Variants in GSG1L observed in about 807,000 individuals in gnomAD.
The protein encoded by GSG1L is GSG1 like, also known as germ cell-specific gene 1-like protein.
Under a neutral mutation model 42.1 loss-of-function variants are expected in GSG1L, and 24 were observed. The observed-to-expected ratio is 0.57, with a 90% CI of 0.41 to 0.80. The LOEUF (loss-of-function observed/expected upper bound fraction) is 0.80, where lower values mean the gene tolerates loss of function less well. Among genes scored for constraint, GSG1L ranks in the 30% least tolerant of loss-of-function variants. GSG1L has a pLI of 0.00. For synonymous variants in GSG1L, 215 were observed against 203.5 expected (o/e 1.06, Z -0.48); for missense variants, 445 against 472.2 (o/e 0.94, Z 0.53).
intron 2 of GSG1L, among the ~76,000 whole-genome samples, chr16:27,908,004 G>A (rs1436457979): frequency 6.6e-6 from 1 of 151,904 alleles, no homozygotes; most frequent in Non-Finnish European, 1.5e-5. Flanking sequence ...TGCAAGCATG[G>A]TCCCAAATTA....
chr16:28,027,236 C>T (rs1346648048), intron 1 of GSG1L, among the ~76,000 whole-genome samples: 1 of 152,188 alleles, frequency 6.6e-6, no homozygotes, highest in Non-Finnish European at 1.5e-5. Context: ...ACCAATGAAG[C>T]AGGCACATGA....
chr16:27,842,854 C>A (rs1416337164), intron 4 of GSG1L, among the ~76,000 whole-genome samples: 1 of 152,104 alleles, frequency 6.6e-6, no homozygotes, highest in Non-Finnish European at 1.5e-5. Context: ...CCTCCAGGTC[C>A]TTGGACCTGC....
intron 2 of GSG1L, among the ~76,000 whole-genome samples, chr16:27,940,007 GA>G (rs955401899): frequency 5.3e-5 from 8 of 151,928 alleles, no homozygotes; most frequent in African/African-American, 1.9e-4. Context: ...ATAGGCCAGA[GA>G]AAAAAACAAA....
intron 2 of GSG1L, among the ~76,000 whole-genome samples, chr16:27,895,352 C>T (rs2084178944): frequency 6.6e-6 from 1 of 152,140 alleles, no homozygotes. Flanking sequence ...CGGTGCCCCT[C>T]AACCCTTCAT....
chr16:27,798,052 G>T (rs994330190), intron 6 of GSG1L, among the ~76,000 whole-genome samples: 6 of 152,082 alleles, frequency 3.9e-5, no homozygotes, highest in African/African-American at 1.4e-4. Flanking sequence ...GTGGGGTAAG[G>T]GTTGAAAAAT....
intron 1 of GSG1L, among the ~76,000 whole-genome samples, chr16:27,967,723 G>T (rs545427958): frequency 1.3e-5 from 2 of 152,280 alleles, no homozygotes; most frequent in African/African-American, 4.8e-5. Flanking sequence ...GACCAGCCTG[G>T]CCAACACGGA....
At chr16:27,861,285 G>A (rs1050284662) in intron 3 of GSG1L, among the ~76,000 whole-genome samples, 7 of 152,142 alleles carry the variant, frequency 4.6e-5, no homozygotes, top group African/African-American at 9.7e-5. Flanking sequence ...GCTAAGGCAC[G>A]AGAATCGTTT....
chr16:27,996,429 TA>T (rs11317961), intron 1 of GSG1L, among the ~76,000 whole-genome samples: 38,922 of 152,074 alleles, frequency 0.26, 5,721 homozygotes, highest in African/African-American at 0.39. Flanking sequence ...GGACTGGAAA[TA>T]ACCTACATTT....
intron 5 of GSG1L, among the ~76,000 whole-genome samples, chr16:27,815,189 A>G (rs1319840821): frequency 1.3e-5 from 2 of 152,156 alleles, no homozygotes; most frequent in East Asian, 3.8e-4. Context: ...CTGAAACGTG[A>G]TCCCCAATGT....
intron 6 of GSG1L, among the ~76,000 whole-genome samples, chr16:27,792,027 C>T (rs2082761065): frequency 6.6e-6 from 1 of 152,062 alleles, no homozygotes; most frequent in Non-Finnish European, 1.5e-5. Context: ...GCCATCTGCC[C>T]ACCCATTTTC....
chr16:27,998,424 G>C (rs765653677), intron 1 of GSG1L: 1 of 152,112 alleles, frequency 6.6e-6, no homozygotes, highest in Non-Finnish European at 1.5e-5. Context: ...CTTTGGAGTG[G>C]GTGACATTAT....
chr16:27,912,870 GATAA>G (rs2084407934), intron 2 of GSG1L, among the ~76,000 whole-genome samples: 3 of 152,232 alleles, frequency 2.0e-5, no homozygotes, highest in Admixed American at 2.0e-4. Flanking sequence ...CAGTAGAATG[GATAA>G]ATAAATTGTG....
At chr16:27,956,171 A>C (rs1455682165) in intron 2 of GSG1L, among the ~76,000 whole-genome samples, 2 of 152,228 alleles carry the variant, frequency 1.3e-5, no homozygotes, top group Non-Finnish European at 2.9e-5. Flanking sequence ...CATGACTGTT[A>C]ATAGTTATAT....
intron 2 of GSG1L, among the ~76,000 whole-genome samples, chr16:27,962,340 C>T (rs115554574): frequency 0.018 from 2,766 of 152,254 alleles, 90 homozygotes; most frequent in African/African-American, 0.063. Flanking sequence ...TTCTGGGAAC[C>T]TTAGAGTTTG....
At chr16:27,845,216 TG>T (rs1039340268) in intron 3 of GSG1L, among the ~76,000 whole-genome samples, 155 bp from the exon 4 acceptor site, 12 of 152,188 alleles carry the variant, frequency 7.9e-5, no homozygotes, top group African/African-American at 2.7e-4. Context: ...GAACAGAGCT[TG>T]GGAGGCCAGA....
intron 5 of GSG1L, among the ~76,000 whole-genome samples, chr16:27,819,663 A>G (rs1203918405): frequency 6.6e-6 from 1 of 152,200 alleles, no homozygotes; most frequent in Admixed American, 6.5e-5. Context: ...GTGTATGATC[A>G]GGAGATGCTG....
chr16:27,806,269 C>T (rs1483782956), intron 6 of GSG1L, among the ~76,000 whole-genome samples: 2 of 152,282 alleles, frequency 1.3e-5, no homozygotes, highest in South Asian at 2.1e-4. Context: ...CTTCCCTCTC[C>T]TCTTCTCCAA....
intron 2 of GSG1L, among the ~76,000 whole-genome samples, chr16:27,939,355 TG>T (rs1415412590): frequency 6.6e-6 from 1 of 152,180 alleles, no homozygotes; most frequent in East Asian, 1.9e-4. Flanking sequence ...CTCAAACTCC[TG>T]GACTCAAGTG....
At chr16:27,814,683 T>G (rs1177916350) in intron 5 of GSG1L, among the ~76,000 whole-genome samples, 1 of 108,756 alleles carries the variant, frequency 9.2e-6, no homozygotes, top group East Asian at 2.8e-4. Flanking sequence ...AGAACCCGTC[T>G]CAAGGAAAAA....
Sources: gnomAD v4.1 joint callset for allele counts (sites outside exome capture counted in the v4.1 genomes callset) on GRCh38, gnomAD v4.1.1 for gene constraint, MANE v1.5 for transcripts, NCBI Gene and HGNC (gene_info 2026-07-23, HGNC 2026-07-21) for gene names.